ITSN1: variants seen among roughly 807,000 people sequenced by gnomAD.
ITSN1 encodes intersectin-1.
In ITSN1, 58 loss-of-function variants were observed where a neutral mutation model predicts 239.8. The observed-to-expected ratio is 0.24, with a 90% CI of 0.20 to 0.30. The LOEUF is 0.30. ITSN1 is among the 10% of genes least tolerant of loss of function. ITSN1 has a pLI of 1.00. For missense variants in ITSN1, 1,558 were observed against 2,103.3 expected, an observed-to-expected ratio of 0.74 and a Z score of 5.07; for synonymous variants, 780 against 770.8, an observed-to-expected ratio of 1.01 and a Z score of -0.20.
rs929890812 is a variant in ITSN1 at position 33,797,089 on chromosome 21, CTTTG to C, written c.1953-278_1953-275del. On this transcript the variant is annotated intron_variant, in intron 17 of 39. Transcript: ENST00000381318. This position sits in a 1 kb window ranked among gnomAD's most constrained non-coding sequence, Gnocchi z 4.9. ...AAGTTATGTTCTCTGTGTTTTATGGCTTTGTTTGTTTGTTTTGTCAGTTTAATAC... is the reference window on the plus strand; with the variant it reads ...AAGTTATGTTCTCTGTGTTTTATGGCTTTGTTTGTTTTGTCAGTTTAATAC... 1.0e-3 allele frequency among the ~76,000 whole-genome samples: 158 copies of C among 152,076 alleles called. No individual in the cohort carries two copies. The highest frequency in any genetic ancestry group is 3.4e-3 in the African/African-American group (141 of 41,476).
At chr21:33,668,659 A>G (rs1287907361) in intron 1 of ITSN1, among the ~76,000 whole-genome samples, 1 of 151,968 alleles carries the variant, frequency 6.6e-6, no homozygotes, top group African/African-American at 2.4e-5. Flanking sequence ...TTTCTTCTCC[A>G]CTTGTACTTT....
Position 33,888,907 on chromosome 21 carries a change from T to C in ITSN1, c.*607T>C, listed in dbSNP as rs1986155790. On this transcript the variant is annotated 3_prime_UTR_variant, in exon 40 of 40. Transcript: ENST00000381318. ...AGCTGGTCTATGGAAGTTTCCAGCATGTGCACCGTTATAGCCGTTCCTTCC... is the reference window on the plus strand; with the variant it reads ...AGCTGGTCTATGGAAGTTTCCAGCACGTGCACCGTTATAGCCGTTCCTTCC... 3 of 152,330 alleles carry C rather than the reference T, an allele frequency of 2.0e-5. No homozygotes were observed. The highest frequency in any genetic ancestry group is 4.1e-4 in the South Asian group (2 of 4,830). 9.4% of individuals were successfully genotyped at this position (152,330 alleles called of 1,614,324 possible). A position where few individuals can be genotyped will look rare whatever the true frequency, so the allele number is the denominator to read the frequency against.
At chr21:33,753,206 T>G (rs1412103973) in intron 7 of ITSN1, among the ~76,000 whole-genome samples, 2 of 149,708 alleles carry the variant, frequency 1.3e-5, no homozygotes, top group Admixed American at 1.3e-4. Context: ...AAAACTTAAT[T>G]GTAGGATACA....
intron 16 of ITSN1, among the ~76,000 whole-genome samples, chr21:33,786,266 TA>T (rs201904422): frequency 2.1e-3 from 315 of 152,370 alleles, no homozygotes; most frequent in African/African-American, 7.3e-3. Flanking sequence ...TTTCTGCTTT[TA>T]AAATGTGTTC....
chr21:33,757,540 A>T (rs1190890936), intron 8 of ITSN1, among the ~76,000 whole-genome samples: 2 of 152,202 alleles, frequency 1.3e-5, no homozygotes, highest in Non-Finnish European at 2.9e-5. Context: ...TAAACAATAG[A>T]AATTTAATTT....
intron 20 of ITSN1, among the ~76,000 whole-genome samples, chr21:33,802,824 C>T (rs1305539606): frequency 6.6e-6 from 1 of 152,062 alleles, no homozygotes; most frequent in African/African-American, 2.4e-5. Context: ...CTAAGAAAGG[C>T]CTTTTGAAGC....
chr21:33,668,540 C>T (rs575991503), intron 1 of ITSN1, among the ~76,000 whole-genome samples: 11 of 152,320 alleles, frequency 7.2e-5, no homozygotes, highest in Admixed American at 2.6e-4. Context: ...CTAGGGTCCA[C>T]GACCTTTGCT....
intron 1 of ITSN1, among the ~76,000 whole-genome samples, chr21:33,699,209 C>T (rs1368629576): frequency 1.3e-5 from 2 of 152,166 alleles, no homozygotes; most frequent in Admixed American, 1.3e-4. Flanking sequence ...ATTGATGCCA[C>T]ATTTCTACCA....
chr21:33,817,753 C>A (rs2073386405), intron 22 of ITSN1: 1 of 788,374 alleles, frequency 1.3e-6, no homozygotes, highest in African/African-American at 1.8e-5. Flanking sequence ...CTAACCAAAT[C>A]CCTGTTTTCT....
At chr21:33,794,246 C>A in intron 16 of ITSN1, 95 bp from the exon 17 acceptor site, 1 of 934,288 alleles carries the variant, frequency 1.1e-6, no homozygotes, top group Non-Finnish European at 1.7e-6. Flanking sequence ...TCCTAAGTGT[C>A]CTAGGCTTCC....
intron 2 of ITSN1, among the ~76,000 whole-genome samples, chr21:33,720,949 C>T (rs1213411566): frequency 6.6e-6 from 1 of 152,200 alleles, no homozygotes; most frequent in Admixed American, 6.5e-5. Flanking sequence ...ATGTGTGCCT[C>T]TTCTTTTCTT....
intron 1 of ITSN1, among the ~76,000 whole-genome samples, chr21:33,683,143 C>T (rs1045966326): frequency 1.2e-4 from 18 of 151,478 alleles, no homozygotes; most frequent in Middle Eastern, 3.2e-3. Context: ...GGTGCCTTGG[C>T]GATTCTCAGA....
At chr21:33,761,855 C>A in intron 8 of ITSN1, 68 bp from the exon 9 acceptor site, 2 of 1,152,654 alleles carry the variant, frequency 1.7e-6, no homozygotes, top group Admixed American at 1.7e-5. Context: ...ATACGCAGAA[C>A]CCTGGTCCTC....
intron 29 of ITSN1, chr21:33,837,511 G>A (rs2074661797): frequency 1.0e-6 from 1 of 985,764 alleles, no homozygotes; most frequent in Admixed American, 6.1e-5. Flanking sequence ...ACTAAATTGT[G>A]CAGTTTGGGG....
chr21:33,759,320 A>G (rs2068130160), intron 8 of ITSN1, among the ~76,000 whole-genome samples: 1 of 152,244 alleles, frequency 6.6e-6, no homozygotes, highest in Non-Finnish European at 1.5e-5. Context: ...GAAGAACTTC[A>G]TTTTAGAAAG....
At position 33,735,177 on chromosome 21, in the gene ITSN1, G is replaced by A. The variant is rs1388138645; in HGVS notation, c.319G>A (p.Val107Ile). Residue 107 changes from valine to isoleucine, a missense_variant, in exon 5 of 40, where the codon GTT (valine) becomes ATT (isoleucine). Physicochemically the swap from Val to Ile is conservative, Grantham distance 29. This residue lies in a region of ITSN1 where 982 missense variants were observed against 1,209.9 expected (regional missense o/e 0.81). Coordinates refer to ENST00000381318, the MANE Select transcript of ITSN1 (RefSeq NM_003024.3). ...TCCCCCTGTCATGAAACAGCAACCA[G>A]TTGCTATTTCTAGCGCACCAGCATT... Reference protein sequence around the residue: ...ALPPVMKQQPVAISSAPAFGM... With the variant: ...ALPPVMKQQPIAISSAPAFGM... The A allele has an allele frequency of 6.2e-7, 1 of 1,613,608 alleles. No homozygotes were observed. Among genetic ancestry groups the A allele is most frequent in the South Asian group, 1.1e-5 (1 of 90,868 alleles).
intron 31 of ITSN1, among the ~76,000 whole-genome samples, chr21:33,862,088 G>A (rs571779554): frequency 4.1e-5 from 6 of 145,646 alleles, no homozygotes; most frequent in South Asian, 2.2e-4. Context: ...GCTTGAACCC[G>A]GTGGGGGCAG....
At chr21:33,668,934 A>G (rs8127154) in intron 1 of ITSN1, among the ~76,000 whole-genome samples, 6,712 of 152,228 alleles carry the variant, frequency 0.044, 497 homozygotes, top group African/African-American at 0.15. Flanking sequence ...AATATGTATG[A>G]GATTGTAGAG....
chr21:33,825,827 C>T (rs551889464), intron 25 of ITSN1, among the ~76,000 whole-genome samples: 2 of 152,020 alleles, frequency 1.3e-5, no homozygotes, highest in African/African-American at 2.4e-5. Context: ...AAATTTAACC[C>T]GAACTTTTCC....
Sources: gnomAD v4.1 joint callset for allele counts (sites outside exome capture counted in the v4.1 genomes callset) on GRCh38, gnomAD v4.1.1 for gene constraint, gnomAD v4.1.1 regional missense constraint, Gnocchi (gnomAD v3.1) non-coding constraint, MANE v1.5 for transcripts, NCBI Gene and HGNC (gene_info 2026-07-23, HGNC 2026-07-21) for gene names.